Variants in FHIP1A observed in about 807,000 individuals in gnomAD.
FHIP1A encodes the protein FHF complex subunit HOOK interacting protein 1A, also known as FHF complex subunit HOOK-interacting protein 1A.
In FHIP1A, 61 loss-of-function variants were observed where a neutral mutation model predicts 88.6. The ratio of observed to expected loss-of-function variants is 0.69; its 90% confidence interval spans 0.56 to 0.85. The LOEUF (loss-of-function observed/expected upper bound fraction) is 0.85. Ranked by LOEUF, FHIP1A falls within the 40% of genes least tolerant of loss-of-function variation. The pLI is 0.00. For missense variants in FHIP1A, 1,154 were observed against 1,273.5 expected, an observed-to-expected ratio of 0.91 and a Z score of 1.43; for synonymous variants, 478 against 496.0, an observed-to-expected ratio of 0.96 and a Z score of 0.48.
intron 3 of FHIP1A, among the ~76,000 whole-genome samples, chr4:151,553,949 C>T (rs188016493): frequency 1.3e-5 from 2 of 152,220 alleles, no homozygotes; most frequent in Admixed American, 1.3e-4. Flanking sequence ...TTTGTATCAC[C>T]CTCGGATCTA....
intron 9 of FHIP1A, among the ~76,000 whole-genome samples, chr4:151,639,102 A>AG (rs558254832): frequency 3.3e-4 from 51 of 152,350 alleles, no homozygotes; most frequent in African/African-American, 1.2e-3. Context: ...GTGCATTTAT[A>AG]GGGGACTTTT....
intron 7 of FHIP1A, among the ~76,000 whole-genome samples, chr4:151,609,729 G>T (rs567813741): frequency 2.7e-4 from 41 of 152,278 alleles, no homozygotes; most frequent in African/African-American, 8.9e-4. Flanking sequence ...ATATTGTTAT[G>T]TGACTGGAAG....
At chr4:151,522,724 TG>T (rs1271384955) in intron 3 of FHIP1A, among the ~76,000 whole-genome samples, 5 of 152,264 alleles carry the variant, frequency 3.3e-5, no homozygotes, top group Admixed American at 6.5e-5. Flanking sequence ...CAGCAACTTT[TG>T]ATAACGTGTT....
chr4:151,488,982 AT>A (rs1168249834), intron 3 of FHIP1A, among the ~76,000 whole-genome samples: 6 of 152,236 alleles, frequency 3.9e-5, no homozygotes, highest in Admixed American at 3.9e-4. Flanking sequence ...ACAGAACAGC[AT>A]ATGGAGACTC....
chr4:151,553,948 C>T (rs1310791386), intron 3 of FHIP1A, among the ~76,000 whole-genome samples: 1 of 152,134 alleles, frequency 6.6e-6, no homozygotes. Context: ...CTTTGTATCA[C>T]CCTCGGATCT....
Position 151,665,632 on chromosome 4 carries a change from T to C in FHIP1A, c.*2878T>C, listed in dbSNP as rs955141241. Among the ~76,000 whole-genome samples the C allele has an allele frequency of 1.3e-5, 2 of 152,096 alleles. No homozygotes were observed. Among genetic ancestry groups the C allele is most frequent in the African/African-American group, 4.8e-5 (2 of 41,390 alleles). Reference sequence around the variant, plus strand: ...CGGGAGAAGAGCAAATCCTGCACGATTCGGGGGAGTGAACATTGATCTAGG... The same window carrying C: ...CGGGAGAAGAGCAAATCCTGCACGACTCGGGGGAGTGAACATTGATCTAGG... On this transcript the variant is annotated 3_prime_UTR_variant, in exon 14 of 14. Transcript: ENST00000435205.
chr4:151,614,123 A>G (rs917249196), intron 7 of FHIP1A, among the ~76,000 whole-genome samples: 1 of 149,226 alleles, frequency 6.7e-6, no homozygotes, highest in African/African-American at 2.5e-5. Flanking sequence ...AGATTGTGCC[A>G]TTGCACTCTA....
chr4:151,458,614 T>G (rs1729047082), intron 2 of FHIP1A, among the ~76,000 whole-genome samples: 2 of 152,076 alleles, frequency 1.3e-5, no homozygotes. Flanking sequence ...TTGAGTAAGG[T>G]CTACTGGAAT....
chr4:151,557,651 C>T (rs1011110923), intron 3 of FHIP1A, among the ~76,000 whole-genome samples: 3 of 152,204 alleles, frequency 2.0e-5, no homozygotes, highest in African/African-American at 7.2e-5. Flanking sequence ...GAGACAGCTT[C>T]TCTGCTTGGA....
intron 7 of FHIP1A, among the ~76,000 whole-genome samples, chr4:151,604,848 CA>C (rs555843721): frequency 0.01 from 1,324 of 127,764 alleles, 16 homozygotes; most frequent in African/African-American, 0.032. Context: ...GACTCCATCT[CA>C]AAAAAAAAAA....
At chr4:151,621,625 G>A (rs1053654787) in intron 7 of FHIP1A, among the ~76,000 whole-genome samples, 15 of 152,138 alleles carry the variant, frequency 9.9e-5, no homozygotes, top group African/African-American at 3.6e-4. Flanking sequence ...TAGATGCTGC[G>A]TTTTTGCAGT....
Position 151,656,946 on chromosome 4 carries a change from G to C in FHIP1A, c.2869+48G>C. 6.6e-7 allele frequency: 1 copy of C among 1,516,082 alleles called. No homozygotes were observed. Among genetic ancestry groups the C allele is most frequent in the Non-Finnish European group, 8.9e-7 (1 of 1,126,846 alleles). 93.9% of individuals were successfully genotyped at this position (1,516,082 alleles called of 1,614,324 possible). Reference sequence around the variant, plus strand: ...GCCCCTCCTTAAATTCCTCCTCCACGTCCCTGGCCTACTGGCCTCAGTTCA... The same window carrying C: ...GCCCCTCCTTAAATTCCTCCTCCACCTCCCTGGCCTACTGGCCTCAGTTCA... On this transcript the variant is annotated intron_variant, in intron 13 of 13. Coordinates refer to ENST00000435205, the MANE Select transcript of FHIP1A (RefSeq NM_001109977.3). The surrounding 1 kb of genome is among the most constrained non-coding windows in gnomAD (Gnocchi z 4.2).
intron 3 of FHIP1A, among the ~76,000 whole-genome samples, chr4:151,495,938 T>C (rs1357376078): frequency 6.6e-6 from 1 of 152,104 alleles, no homozygotes; most frequent in Non-Finnish European, 1.5e-5. Context: ...ATTCTTTTCT[T>C]ACAATGATTA....
At chr4:151,545,974 T>A (rs1335527158) in intron 3 of FHIP1A, among the ~76,000 whole-genome samples, 1 of 152,162 alleles carries the variant, frequency 6.6e-6, no homozygotes, top group Non-Finnish European at 1.5e-5. Context: ...GATTAAGAGA[T>A]ACCTAGATAG....
chr4:151,527,586 C>G (rs1390937698), intron 3 of FHIP1A, among the ~76,000 whole-genome samples: 1 of 151,942 alleles, frequency 6.6e-6, no homozygotes, highest in Non-Finnish European at 1.5e-5. Flanking sequence ...GGAGAGGGCA[C>G]CTTTGTACTT....
chr4:151,512,766 G>T (rs1192123901), intron 3 of FHIP1A, among the ~76,000 whole-genome samples: 3 of 152,156 alleles, frequency 2.0e-5, no homozygotes, highest in Non-Finnish European at 4.4e-5. Context: ...AGAATAAAAA[G>T]AAATGAACAA....
chr4:151,532,850 C>T (rs13131276), intron 3 of FHIP1A, among the ~76,000 whole-genome samples: 4,157 of 152,194 alleles, frequency 0.027, 124 homozygotes, highest in Non-Finnish European at 0.036. Context: ...GAAGCAAAAG[C>T]GGAAACCCCT....
At chr4:151,636,587 A>G (rs567019558) in intron 8 of FHIP1A, among the ~76,000 whole-genome samples, 1 of 152,220 alleles carries the variant, frequency 6.6e-6, no homozygotes, top group East Asian at 1.9e-4. Flanking sequence ...TCAATTTACA[A>G]TAACATCAAA....
chr4:151,647,767 T>C lies in FHIP1A; in HGVS notation c.1417+1019T>C, dbSNP rs1345994761. ...TAAAACATATTTAAAAATTGGCGTCTTTCTAAATTTACTATGAAAGTTTTT... is the reference window on the plus strand; with the variant it reads ...TAAAACATATTTAAAAATTGGCGTCCTTCTAAATTTACTATGAAAGTTTTT... On this transcript the variant is annotated intron_variant, in intron 10 of 13. Coordinates refer to ENST00000435205, the MANE Select transcript of FHIP1A (RefSeq NM_001109977.3). Among the ~76,000 whole-genome samples the C allele has an allele frequency of 3.3e-5, 5 of 152,364 alleles. No individual in the cohort carries two copies. In the East Asian group the frequency reaches 5.8e-4, roughly 18 times the overall value.
Sources: allele counts gnomAD v4.1 joint callset (sites outside exome capture counted in the v4.1 genomes callset), GRCh38; gene constraint gnomAD v4.1.1; non-coding constraint Gnocchi (gnomAD v3.1); transcripts MANE v1.5; gene names NCBI Gene and HGNC (gene_info 2026-07-23, HGNC 2026-07-21).